The following BCKDHB variants were observed in gnomAD, a reference collection of about 807,000 sequenced individuals.
The protein encoded by BCKDHB is branched chain keto acid dehydrogenase E1 subunit beta.
BCKDHB carries 41 observed loss-of-function variants against 48.5 expected under a neutral mutation model. The observed-to-expected ratio is 0.85, with a 90% CI of 0.66 to 1.10. The LOEUF (loss-of-function observed/expected upper bound fraction) is 1.10, where lower values mean the gene tolerates loss of function less well. Among genes scored for constraint, BCKDHB ranks in the 50% least tolerant of loss-of-function variants. The probability of loss-of-function intolerance (pLI) is 0.00; values close to 1 mark genes in which losing one functional copy is unlikely to be tolerated. For synonymous variants in BCKDHB, 201 were observed against 174.8 expected, an observed-to-expected ratio of 1.15 and a Z score of -1.18; for missense variants, 496 against 494.2, an observed-to-expected ratio of 1.00 and a Z score of -0.03.
the BCKDHB span, among the ~76,000 whole-genome samples, chr6:80,358,288 T>C: frequency 7.2e-5 from 11 of 152,320 alleles, no homozygotes; most frequent in Middle Eastern, 3.4e-3. Flanking sequence ...ACAGTAAATA[T>C]ACACATATAT....
intron 8 of BCKDHB, among the ~76,000 whole-genome samples, chr6:80,206,773 A>T (rs1000868203): frequency 1.3e-5 from 2 of 152,058 alleles, no homozygotes; most frequent in African/African-American, 4.8e-5. Flanking sequence ...TCTGGTCAAA[A>T]GATCTGTCTT....
Position 80,112,713 on chromosome 6 carries a change from G to A in BCKDHB, c.196+5824G>A, listed in dbSNP as rs572263206. On this transcript the variant is annotated intron_variant, in intron 1 of 9. Transcript: ENST00000320393. ...TGTGCTAGACCTCAGAACCTCTGCCGAGGGCGTCCCCTTTGGAGAGGTTCA... is the reference window on the plus strand; with the variant it reads ...TGTGCTAGACCTCAGAACCTCTGCCAAGGGCGTCCCCTTTGGAGAGGTTCA... Among the ~76,000 whole-genome samples the A allele has an allele frequency of 3.9e-5, 6 of 152,326 alleles. No homozygotes were observed. In the East Asian group the frequency reaches 1.2e-3, roughly 29 times the overall value.
At chr6:80,384,558 C>T in the BCKDHB span, among the ~76,000 whole-genome samples, 2 of 151,974 alleles carry the variant, frequency 1.3e-5, no homozygotes, top group Non-Finnish European at 2.9e-5. Context: ...GGAGTTTCAC[C>T]ATGTTGGCCA....
At chr6:80,435,829 C>T in the BCKDHB span, among the ~76,000 whole-genome samples, 4 of 152,114 alleles carry the variant, frequency 2.6e-5, no homozygotes, top group African/African-American at 9.6e-5. Context: ...GTCCAGAGTT[C>T]GAGACCAGCC....
the BCKDHB span, chr6:80,374,152 TGTATGG>T: frequency 1.7e-4 from 123 of 714,758 alleles, no homozygotes; most frequent in African/African-American, 2.0e-3. Context: ...GGAGAGCTCA[TGTATGG>T]GTTAATCCGA....
chr6:80,337,494 A>G (rs2143885), intron 9 of BCKDHB, among the ~76,000 whole-genome samples: 117,831 of 151,894 alleles, frequency 0.78, 46,083 homozygotes, highest in Admixed American at 0.84. Context: ...AAAAGTAAGC[A>G]CATTCACACA....
intron 8 of BCKDHB, among the ~76,000 whole-genome samples, chr6:80,249,178 A>G (rs1776738184): frequency 6.6e-6 from 1 of 151,788 alleles, no homozygotes; most frequent in African/African-American, 2.4e-5. Flanking sequence ...CTCCCACCCA[A>G]TCCTCATCCC....
At chr6:80,228,808 C>T (rs1775787639) in intron 8 of BCKDHB, among the ~76,000 whole-genome samples, 3 of 152,126 alleles carry the variant, frequency 2.0e-5, no homozygotes, top group Admixed American at 2.0e-4. Context: ...CCAGCCTGGG[C>T]TCTCAGAAGG....
intron 8 of BCKDHB, among the ~76,000 whole-genome samples, chr6:80,257,986 A>G (rs1427181492): frequency 2.0e-5 from 3 of 151,948 alleles, no homozygotes; most frequent in African/African-American, 4.8e-5. Flanking sequence ...ATATATATAT[A>G]TATTTATTAT....
chr6:80,277,809 C>T (rs904138548), intron 9 of BCKDHB, among the ~76,000 whole-genome samples: 1 of 151,880 alleles, frequency 6.6e-6, no homozygotes, highest in African/African-American at 2.4e-5. Context: ...TGGATACCAA[C>T]ATATATTTTT....
chr6:80,283,292 T>G (rs1476872849), intron 9 of BCKDHB, among the ~76,000 whole-genome samples: 3 of 152,150 alleles, frequency 2.0e-5, no homozygotes, highest in African/African-American at 7.2e-5. Context: ...TTTTTGGTAT[T>G]GAATTTATCA....
chr6:80,238,584 TTTTA>T (rs1287057333), intron 8 of BCKDHB, among the ~76,000 whole-genome samples: 3 of 151,734 alleles, frequency 2.0e-5, no homozygotes. Flanking sequence ...TTTATTTTAT[TTTTA>T]TTTATTTATA....
At chr6:80,265,947 A>T (rs186882845) in intron 8 of BCKDHB, among the ~76,000 whole-genome samples, 1 of 152,254 alleles carries the variant, frequency 6.6e-6, no homozygotes, top group African/African-American at 2.4e-5. Context: ...TTAGAAGAGC[A>T]TAAGCATATT....
intron 3 of BCKDHB, among the ~76,000 whole-genome samples, chr6:80,162,381 G>A (rs1239706288): frequency 6.6e-6 from 1 of 152,042 alleles, no homozygotes; most frequent in Non-Finnish European, 1.5e-5. Context: ...AGAATGTAAG[G>A]GTTCCTATCA....
At chr6:80,327,137 A>T (rs1275599907) in intron 9 of BCKDHB, among the ~76,000 whole-genome samples, 1 of 152,228 alleles carries the variant, frequency 6.6e-6, no homozygotes, top group Non-Finnish European at 1.5e-5. Context: ...CCAACTTATG[A>T]TGGGGTTACC....
chr6:80,424,062 A>G, the BCKDHB span, among the ~76,000 whole-genome samples: 9 of 152,238 alleles, frequency 5.9e-5, no homozygotes, highest in Non-Finnish European at 1.0e-4. Flanking sequence ...ATTTTGTTGC[A>G]TAAAGTGAGA....
At chr6:80,140,125 G>C (rs1410991880) in intron 3 of BCKDHB, among the ~76,000 whole-genome samples, 1 of 152,172 alleles carries the variant, frequency 6.6e-6, no homozygotes. Context: ...TGGTGTATAA[G>C]AATGCTTGTG....
At chr6:80,373,336 T>A in the BCKDHB span, among the ~76,000 whole-genome samples, 19 of 123,054 alleles carry the variant, frequency 1.5e-4, no homozygotes, top group African/African-American at 4.2e-4. Flanking sequence ...ATCTTCTCTC[T>A]TCTTTTCTTG....
intron 3 of BCKDHB, among the ~76,000 whole-genome samples, chr6:80,141,172 C>T (rs968246667): frequency 3.9e-5 from 6 of 152,016 alleles, no homozygotes; most frequent in African/African-American, 9.6e-5. Flanking sequence ...ATTTTTAATG[C>T]GTCTATTCGA....
Sources: allele counts gnomAD v4.1 joint callset (sites outside exome capture counted in the v4.1 genomes callset), GRCh38; gene constraint gnomAD v4.1.1; transcripts MANE v1.5; gene names NCBI Gene and HGNC (gene_info 2026-07-23, HGNC 2026-07-21).